Variants in PCLAF observed in about 807,000 individuals in gnomAD.
PCLAF encodes PCNA-associated factor.
A neutral mutation model predicts 15.1 loss-of-function variants in PCLAF; 12 were observed. The ratio of observed to expected loss-of-function variants is 0.79; its 90% confidence interval spans 0.51 to 1.29. The LOEUF (loss-of-function observed/expected upper bound fraction) is 1.29. Ranked by LOEUF, PCLAF falls within the 50% of genes most tolerant of loss-of-function variation. The pLI, the probability that PCLAF is intolerant of heterozygous loss-of-function variation, is 0.00. For missense variants in PCLAF, 116 were observed against 130.9 expected (o/e 0.89, Z 0.56); for synonymous variants, 33 against 47.1 (o/e 0.70, Z 1.22).
In PCLAF at chr15:64,364,831, CATGT is replaced by C. The variant is rs1898966513; in HGVS notation, c.*1195_*1198del. On this transcript the variant is annotated 3_prime_UTR_variant, in exon 4 of 4. Transcript: ENST00000300035. ...CCTCCTGAGTAGCTGGGATTACAGG[CATGT>C]GCCACCATGCCTGGCTCATTTTTTC... The C allele has an allele frequency of 6.6e-6, 1 of 150,766 alleles. No homozygotes were observed. Among genetic ancestry groups the C allele is most frequent in the African/African-American group, 2.4e-5 (1 of 41,070 alleles). 9.3% of individuals were successfully genotyped at this position (150,766 alleles called of 1,614,324 possible). A position where few individuals can be genotyped will look rare whatever the true frequency, so the allele number is the denominator to read the frequency against.
Position 64,364,532 on chromosome 15 carries a change from T to A in PCLAF, c.*1498A>T, listed in dbSNP as rs1185489476. On this transcript the variant is annotated 3_prime_UTR_variant, in exon 4 of 4. Coordinates refer to ENST00000300035, the MANE Select transcript of PCLAF (RefSeq NM_014736.6). ...GCATGATTTGCCTTTCATGTTATAT[T>A]GACTTCCAACTTTAAAATTATATTT... 2 of 152,262 alleles carry A rather than the reference T, an allele frequency of 1.3e-5. No individual in the cohort carries two copies. The highest frequency in any genetic ancestry group is 3.9e-4 in the East Asian group (2 of 5,184). The allele number at this position is 152,262 out of a possible 1,614,324, so 9.4% of individuals were successfully genotyped here. A position where few individuals can be genotyped will look rare whatever the true frequency, so the allele number is the denominator to read the frequency against.
chr15:64,365,832 ACTAAG>A lies in PCLAF; in HGVS notation c.*193_*197del. The A allele has an allele frequency of 1.7e-6, 1 of 582,072 alleles. No individual in the cohort carries two copies. The highest frequency in any genetic ancestry group is 3.0e-6 in the Non-Finnish European group (1 of 332,468). 36.1% of individuals were successfully genotyped at this position (582,072 alleles called of 1,614,324 possible). On this transcript the variant is annotated 3_prime_UTR_variant, in exon 4 of 4. Coordinates refer to ENST00000300035, the MANE Select transcript of PCLAF (RefSeq NM_014736.6). The stretch of plus-strand genomic sequence containing the variant: ...AACCAAACAATGCATTATATTGAAT[ACTAAG>A]CTAAGTTACCATAATTAGTCTTACA...
At chr15:64,369,947 G>C (rs920501822) in intron 3 of PCLAF, among the ~76,000 whole-genome samples, 1 of 152,098 alleles carries the variant, frequency 6.6e-6, no homozygotes, top group Non-Finnish European at 1.5e-5. Context: ...GGATCTGCTT[G>C]TTCCCATGCA....
rs140686158 is a variant in PCLAF at position 64,376,867 on chromosome 15, G to A, written c.166C>T (p.Arg56Cys). The change falls in exon 3 of 4, where the codon CGC becomes TGC. Residue 56 changes from arginine (R) to cysteine (C), a missense_variant. Physicochemically the swap from Arg to Cys is radical, Grantham distance 180. Transcript: ENST00000300035. Reference protein sequence around the residue: ...KYAGGNPVCVRPTPKWQKGIG... With the variant: ...KYAGGNPVCVCPTPKWQKGIG... ...CCTTTTTGCCACTTGGGAGTTGGGC[G>A]CACGCAAACGGGGTTCCCTCCTGCA... 1.8e-5 allele frequency: 29 copies of A among 1,613,808 alleles called. 1 individual carries two copies. Among genetic ancestry groups the A allele is most frequent in the South Asian group, 8.8e-5 (8 of 91,058 alleles).
intron 1 of PCLAF, 96 bp downstream of exon 1, chr15:64,381,230 C>T (rs752279175): frequency 6.2e-6 from 9 of 1,457,536 alleles, no homozygotes; most frequent in African/African-American, 1.4e-5. Context: ...ATGAGTTTGG[C>T]GCACAGGGCC....
intron 3 of PCLAF, among the ~76,000 whole-genome samples, chr15:64,366,659 G>C (rs986149403): frequency 1.3e-5 from 2 of 151,924 alleles, no homozygotes; most frequent in Non-Finnish European, 2.9e-5. Context: ...GCAACTTAGT[G>C]ACACCCCATC....
At chr15:64,377,482 AAAAAAAAT>A (rs1899640530) in intron 2 of PCLAF, among the ~76,000 whole-genome samples, 1 of 40,896 alleles carries the variant, frequency 2.4e-5, no homozygotes, top group African/African-American at 9.0e-5. Flanking sequence ...AAAAAAAAAA[AAAAAAAAT>A]ATATATATAT....
intron 3 of PCLAF, among the ~76,000 whole-genome samples, 172 bp downstream of exon 3, chr15:64,376,571 C>T (rs79372182): frequency 0.043 from 6,596 of 152,100 alleles, 158 homozygotes; most frequent in South Asian, 0.078. Flanking sequence ...AGGTGTGCAC[C>T]AGCACGCCGA....
rs926414363 is a variant in PCLAF at position 64,365,720 on chromosome 15, C to T, written c.*310G>A. The T allele has an allele frequency of 3.4e-5, 10 of 297,312 alleles. No homozygotes were observed. The highest frequency in any genetic ancestry group is 5.4e-5 in the Admixed American group (1 of 18,468). 18.4% of individuals were successfully genotyped at this position (297,312 alleles called of 1,614,324 possible). On this transcript the variant is annotated 3_prime_UTR_variant, in exon 4 of 4. Coordinates refer to ENST00000300035, the MANE Select transcript of PCLAF (RefSeq NM_014736.6). ...AATGGCAGCAGTACAACAATCTAAGCAAATCTCAAATACAACATACTTGTA... is the reference window on the plus strand; with the variant it reads ...AATGGCAGCAGTACAACAATCTAAGTAAATCTCAAATACAACATACTTGTA...
rs1378834351 is a variant in PCLAF at position 64,377,514 on chromosome 15, T to A, written c.128-609A>T. 8.3e-3 allele frequency among the ~76,000 whole-genome samples: 689 copies of A among 82,952 alleles called. 78 individuals carry two copies. The highest frequency in any genetic ancestry group is 0.012 in the African/African-American group (271 of 21,688). 54.4% of individuals were successfully genotyped at this position (82,952 alleles called of 152,430 possible). On this transcript the variant is annotated intron_variant, in intron 2 of 3. Coordinates refer to ENST00000300035, the MANE Select transcript of PCLAF (RefSeq NM_014736.6). The stretch of plus-strand genomic sequence containing the variant: ...ATATATATATATATATATATATATA[T>A]ATATATATATATATATATATATATT...
At position 64,387,403 on chromosome 15, in the gene PCLAF, T is replaced by A. The variant is rs7168864; in HGVS notation, n.241+44A>T. On this transcript the variant is annotated intron_variant and non_coding_transcript_variant, in intron 1 of 1. Coordinates refer to the PCLAF transcript ENST00000558250. ...TCTCAAAATAAATAAATAAATTAAT[T>A]AATTAATTAAAAAATTAAAACCACC... The A allele has an allele frequency of 3.9e-3, 4,052 of 1,050,466 alleles. 121 individuals are homozygous for A. In the African/African-American group the frequency reaches 0.063, roughly 16 times the overall value. The allele number at this position is 1,050,466 out of a possible 1,614,324, so 65.1% of individuals were successfully genotyped here.
chr15:64,374,307 CG>C (rs1436618936), intron 3 of PCLAF, among the ~76,000 whole-genome samples: 2 of 151,888 alleles, frequency 1.3e-5, no homozygotes, highest in Admixed American at 6.6e-5. Flanking sequence ...TTTGGGAGGC[CG>C]AGGCGGGCAG....
chr15:64,366,334 T>C (rs1315814449), intron 3 of PCLAF, among the ~76,000 whole-genome samples: 1 of 152,224 alleles, frequency 6.6e-6, no homozygotes, highest in Admixed American at 6.6e-5. Flanking sequence ...CGTTGTAATT[T>C]TTATTAAAAA....
chr15:64,383,106 G>C (rs1899865733), upstream of PCLAF: 2 of 152,744 alleles, frequency 1.3e-5, no homozygotes. Flanking sequence ...TCTCTCCAAT[G>C]AATTGCTCGA....
intron 3 of PCLAF, among the ~76,000 whole-genome samples, chr15:64,370,255 T>C (rs564730698): frequency 1.3e-5 from 2 of 150,918 alleles, no homozygotes; most frequent in Non-Finnish European, 3.0e-5. Flanking sequence ...TTTTTTTTTT[T>C]TTTTTTTTTG....
chr15:64,385,398 G>A (rs536486940), upstream of PCLAF, among the ~76,000 whole-genome samples: 1 of 151,996 alleles, frequency 6.6e-6, no homozygotes, highest in South Asian at 2.1e-4. Flanking sequence ...GGCCGAGGCG[G>A]GAGGATCACC....
intron 2 of PCLAF, among the ~76,000 whole-genome samples, chr15:64,379,890 C>G (rs1359343885): frequency 6.6e-6 from 1 of 151,950 alleles, no homozygotes; most frequent in Non-Finnish European, 1.5e-5. Context: ...CCACAGACAT[C>G]ATACTCAAAC....
Position 64,376,870 on chromosome 15 carries a change from C to G in PCLAF, c.163G>C (p.Val55Leu). 6.2e-7 allele frequency: 1 copy of G among 1,613,870 alleles called. No homozygotes were observed. Among genetic ancestry groups the G allele is most frequent in the Non-Finnish European group, 8.5e-7 (1 of 1,179,914 alleles). The change falls in exon 3 of 4, where the codon GTG becomes CTG. Residue 55 changes from valine (V) to leucine (L), a missense_variant. By Grantham distance (32) the Val-to-Leu change is conservative. Transcript: ENST00000300035. ...NKYAGGNPVC[V>L]RPTPKWQKGI... ...TTTTGCCACTTGGGAGTTGGGCGCA[C>G]GCAAACGGGGTTCCCTCCTGCATAT... is the stretch of plus-strand genomic sequence containing the variant.
At chr15:64,371,710 C>T (rs1335888463) in intron 3 of PCLAF, among the ~76,000 whole-genome samples, 1 of 152,166 alleles carries the variant, frequency 6.6e-6, no homozygotes. Context: ...GATTCTCCTG[C>T]CTCAGCCTCC....
Sources: allele counts gnomAD v4.1 joint callset (sites outside exome capture counted in the v4.1 genomes callset), GRCh38; gene constraint gnomAD v4.1.1; transcripts MANE v1.5; gene names NCBI Gene and HGNC (gene_info 2026-07-23, HGNC 2026-07-21).